Variants in SFSWAP observed in about 807,000 individuals in gnomAD.
SFSWAP encodes the protein splicing factor SWAP.
Under a neutral mutation model 100.7 loss-of-function variants are expected in SFSWAP, and 17 were observed. That is an observed-to-expected ratio of 0.17 (90% confidence interval 0.12 to 0.25). The LOEUF (loss-of-function observed/expected upper bound fraction) is 0.25, where lower values mean the gene tolerates loss of function less well. SFSWAP is among the 10% of genes least tolerant of loss of function. SFSWAP has a pLI of 1.00. For synonymous variants in SFSWAP, 504 were observed against 510.1 expected (o/e 0.99, Z 0.16); for missense variants, 1,005 against 1,262.6 (o/e 0.80, Z 3.09).
chr12:131,787,543 G>C (rs886856933), intron 15 of SFSWAP, among the ~76,000 whole-genome samples: 1 of 152,214 alleles, frequency 6.6e-6, no homozygotes, highest in African/African-American at 2.4e-5. Flanking sequence ...CCGTGTCTGC[G>C]TCTGGAGCTA....
At position 131,767,965 on chromosome 12, in the gene SFSWAP, T is replaced by A. The variant is rs76913459; in HGVS notation, c.2142+1657T>A. On this transcript the variant is annotated intron_variant, in intron 13 of 17. Transcript: ENST00000261674. Reference sequence around the variant, plus strand: ...GGTAGTAACTCCGGGAATTTTACTTTTTGAAAAGTTTCAAACCTTCAAAAA... The same window carrying A: ...GGTAGTAACTCCGGGAATTTTACTTATTGAAAAGTTTCAAACCTTCAAAAA... Among the ~76,000 whole-genome samples, 64 of 152,384 alleles carry A rather than the reference T, an allele frequency of 4.2e-4. No homozygotes were observed. In the East Asian group the frequency reaches 0.011, roughly 26 times the overall value.
chr12:131,783,087 A>G (rs1244033149), intron 14 of SFSWAP, among the ~76,000 whole-genome samples: 1 of 151,802 alleles, frequency 6.6e-6, no homozygotes, highest in Non-Finnish European at 1.5e-5. Flanking sequence ...AGGCTGAGGC[A>G]GGAGAATTGC....
Position 131,775,133 on chromosome 12 carries a change from C to A in SFSWAP, c.2143-2932C>A, listed in dbSNP as rs144591184. On this transcript the variant is annotated intron_variant, in intron 13 of 17. Coordinates refer to ENST00000261674, the MANE Select transcript of SFSWAP (RefSeq NM_004592.4). ...TGTTTTAACACAGCGCCTTACCAAT[C>A]ACACACCAAATTAGTGCAGTGATTT... Among the ~76,000 whole-genome samples the A allele has an allele frequency of 2.0e-5, 3 of 152,332 alleles. No homozygotes were observed. In the East Asian group the frequency reaches 5.8e-4, roughly 29 times the overall value.
chr12:131,737,283 T>A (rs1052789618), intron 7 of SFSWAP, among the ~76,000 whole-genome samples: 7 of 152,188 alleles, frequency 4.6e-5, no homozygotes, highest in Non-Finnish European at 8.8e-5. Flanking sequence ...CTGTAGTGCT[T>A]CTGTATCGGC....
Position 131,753,275 on chromosome 12 carries a change from G to A in SFSWAP, c.1234G>A (p.Ala412Thr), listed in dbSNP as rs577803117. 1.1e-5 allele frequency: 17 copies of A among 1,613,486 alleles called. No individual in the cohort carries two copies. Among genetic ancestry groups the A allele is most frequent in the African/African-American group, 2.7e-5 (2 of 74,990 alleles). The change falls in exon 8 of 18, where the codon GCC becomes ACC. Residue 412 changes from alanine (A) to threonine (T), a missense_variant. This residue lies in a region of SFSWAP where 311 missense variants were observed against 317.8 expected (regional missense o/e 0.98). Transcript: ENST00000261674. ...TAACTCCCCTGGAGTGACGACCACC[G>A]CCCCACCACCTCCTGGGACCACACC... The part of the protein sequence containing the change: ...VSNSPGVTTT[A>T]PPPPGTTPLP...
At chr12:131,780,179 A>G (rs1884385064) in intron 14 of SFSWAP, among the ~76,000 whole-genome samples, 1 of 152,252 alleles carries the variant, frequency 6.6e-6, no homozygotes, top group Admixed American at 6.5e-5. Flanking sequence ...ATGATAAATC[A>G]ATTTGATCTT....
chr12:131,740,957 C>CTTTTTTTTATTTTTTTTTTTTTTT (rs1354791623), intron 7 of SFSWAP, among the ~76,000 whole-genome samples: 1 of 96,068 alleles, frequency 1.0e-5, no homozygotes, highest in Non-Finnish European at 2.2e-5. Flanking sequence ...CTTTTTTTTT[C>CTTTTTTTTATTTTTTTTTTTTTTT]TTTTTTTTCT....
At chr12:131,727,112 T>A in intron 6 of SFSWAP, 60 bp downstream of exon 6, 1 of 950,778 alleles carries the variant, frequency 1.1e-6, no homozygotes, top group African/African-American at 1.6e-5. Flanking sequence ...GCTAATGTAA[T>A]TTTGGAAAAT....
At chr12:131,727,724 A>T (rs562278043) in intron 6 of SFSWAP, among the ~76,000 whole-genome samples, 2 of 152,296 alleles carry the variant, frequency 1.3e-5, no homozygotes, top group South Asian at 2.1e-4. Context: ...TTCGAGTCCT[A>T]TGTTACCATC....
intron 11 of SFSWAP, 76 bp from the exon 12 acceptor site, chr12:131,764,380 T>C (rs966771756): frequency 1.7e-6 from 2 of 1,166,224 alleles, no homozygotes; most frequent in Non-Finnish European, 2.5e-6. Context: ...CAGCAGCCGA[T>C]GCTCAGGTGG....
chr12:131,785,214 T>TGG, intron 14 of SFSWAP: 1 of 1,535,116 alleles, frequency 6.5e-7, no homozygotes, highest in Non-Finnish European at 8.7e-7. Context: ...AGGGAAAACC[T>TGG]GGTAAAACGT....
At chr12:131,744,280 A>G (rs1170999779) in intron 7 of SFSWAP, among the ~76,000 whole-genome samples, 1 of 152,198 alleles carries the variant, frequency 6.6e-6, no homozygotes, top group African/African-American at 2.4e-5. Context: ...CCAGACCTTT[A>G]TGCTGTGTTT....
At chr12:131,751,998 T>G (rs1206905904) in intron 7 of SFSWAP, among the ~76,000 whole-genome samples, 2 of 152,090 alleles carry the variant, frequency 1.3e-5, no homozygotes, top group African/African-American at 4.8e-5. Flanking sequence ...GGTTTAGGAG[T>G]TCATCATGTA....
intron 15 of SFSWAP, among the ~76,000 whole-genome samples, chr12:131,788,611 T>C (rs1885051332): frequency 6.7e-6 from 1 of 149,542 alleles, no homozygotes; most frequent in Admixed American, 6.7e-5. Context: ...CTGCAGCTTC[T>C]ACCTCCTGGG....
intron 8 of SFSWAP, 30 bp from the exon 9 acceptor site, chr12:131,754,338 C>CCA (rs1566029740): frequency 2.0e-6 from 3 of 1,485,230 alleles, no homozygotes; most frequent in Non-Finnish European, 2.7e-6. Context: ...CCCCTGAAGC[C>CCA]CAGGGGTCTC....
At chr12:131,724,157 G>A (rs2136186225) in intron 4 of SFSWAP, among the ~76,000 whole-genome samples, 1 of 152,236 alleles carries the variant, frequency 6.6e-6, no homozygotes, top group South Asian at 2.1e-4. Flanking sequence ...TTTTAACCAT[G>A]GTAATAGAAG....
intron 15 of SFSWAP, among the ~76,000 whole-genome samples, chr12:131,788,293 A>C (rs1191290207): frequency 6.6e-6 from 1 of 152,238 alleles, no homozygotes; most frequent in Middle Eastern, 3.2e-3. Flanking sequence ...CTAACAGGTC[A>C]CACAAGAGAA....
chr12:131,725,501 G>T lies in SFSWAP; in HGVS notation c.703G>T (p.Ala235Ser), dbSNP rs767245383. The T allele has an allele frequency of 1.2e-6, 2 of 1,614,026 alleles. No individual in the cohort carries two copies. Among genetic ancestry groups the T allele is most frequent in the Non-Finnish European group, 1.7e-6 (2 of 1,180,032 alleles). ...QFEIMLKAKQARNSQFDFLRF... is the reference protein window; with the variant it reads ...QFEIMLKAKQSRNSQFDFLRF... ...TGAGATCATGCTGAAGGCCAAGCAG[G>T]CCCGGAACTCCCAGTTTGACTTTCT... Residue 235 changes from alanine to serine, a missense_variant, in exon 5 of 18, where the codon GCC (alanine) becomes TCC (serine). By Grantham distance (99) the Ala-to-Ser change is moderately conservative. Transcript: ENST00000261674. This position sits in a 1 kb window ranked among gnomAD's most constrained non-coding sequence, Gnocchi z 4.3.
intron 13 of SFSWAP, among the ~76,000 whole-genome samples, chr12:131,776,792 G>A (rs1328033332): frequency 6.6e-6 from 1 of 152,236 alleles, no homozygotes; most frequent in Non-Finnish European, 1.5e-5. Context: ...GTCTAAAGGT[G>A]TGAAATGTTT....
Sources: allele counts gnomAD v4.1 joint callset (sites outside exome capture counted in the v4.1 genomes callset), GRCh38; gene constraint gnomAD v4.1.1; regional missense constraint gnomAD v4.1.1; non-coding constraint Gnocchi (gnomAD v3.1); transcripts MANE v1.5; gene names NCBI Gene and HGNC (gene_info 2026-07-23, HGNC 2026-07-21).